GLIS3: variants seen among roughly 807,000 people sequenced by gnomAD.
The protein encoded by GLIS3 is GLIS family zinc finger 3.
Under a neutral mutation model 78.6 loss-of-function variants are expected in GLIS3, and 53 were observed. The ratio of observed to expected loss-of-function variants is 0.67; its 90% CI spans 0.54 to 0.85. The LOEUF is 0.85. GLIS3 is among the 40% of genes least tolerant of loss of function. The probability of loss-of-function intolerance (pLI) is 0.00; values close to 1 mark genes in which losing one functional copy is unlikely to be tolerated. For missense variants in GLIS3, 1,703 were observed against 1,231.1 expected (o/e 1.38, Z -5.74); for synonymous variants, 684 against 509.9 (o/e 1.34, Z -4.60).
chr9:4,292,013 T>C (rs746069370), intron 1 of GLIS3, among the ~76,000 whole-genome samples: 2 of 152,144 alleles, frequency 1.3e-5, no homozygotes, highest in African/African-American at 2.4e-5. Flanking sequence ...TTAGGGGTTT[T>C]CTTGGTCAGT....
chr9:4,276,679 T>C (rs1405700224), intron 2 of GLIS3, among the ~76,000 whole-genome samples: 2 of 152,176 alleles, frequency 1.3e-5, no homozygotes, highest in African/African-American at 4.8e-5. Context: ...CTTTTAAAGA[T>C]GTAATGTTAT....
At chr9:4,075,761 G>C (rs1186176085) in intron 4 of GLIS3, among the ~76,000 whole-genome samples, 1 of 151,990 alleles carries the variant, frequency 6.6e-6, no homozygotes, top group Admixed American at 6.6e-5. Context: ...GTCGTACAAT[G>C]CAACATTAAT....
intron 4 of GLIS3, among the ~76,000 whole-genome samples, chr9:4,094,165 G>T (rs958931642): frequency 6.6e-6 from 1 of 152,216 alleles, no homozygotes; most frequent in Non-Finnish European, 1.5e-5. Context: ...ACATGGAAGA[G>T]AAGAGGAAAG....
At chr9:4,291,781 G>C (rs973909195) in intron 1 of GLIS3, among the ~76,000 whole-genome samples, 2 of 152,054 alleles carry the variant, frequency 1.3e-5, no homozygotes, top group African/African-American at 4.8e-5. Context: ...ACCGCTCGAG[G>C]GCAATATTAA....
chr9:4,373,465 G>A, the GLIS3 span, among the ~76,000 whole-genome samples: 1 of 152,098 alleles, frequency 6.6e-6, no homozygotes, highest in African/African-American at 2.4e-5. Context: ...TCCAGCATTG[G>A]GGAACAAACT....
chr9:3,876,647 AGAGAGAGAGAAAGAG>A, intron 8 of GLIS3, among the ~76,000 whole-genome samples: 1 of 5,074 alleles, frequency 2.0e-4, no homozygotes, highest in South Asian at 7.6e-3. Context: ...AGAGAGAGAG[AGAGAGAGAGAAAGAG>A]AGAGAGAAAG....
chr9:4,038,634 T>C (rs1824533418), intron 4 of GLIS3, among the ~76,000 whole-genome samples: 1 of 152,220 alleles, frequency 6.6e-6, no homozygotes, highest in African/African-American at 2.4e-5. Flanking sequence ...GAATACATTC[T>C]GCAAACCACT....
At chr9:4,242,278 A>C (rs1256049687) in intron 2 of GLIS3, among the ~76,000 whole-genome samples, 1 of 152,102 alleles carries the variant, frequency 6.6e-6, no homozygotes, top group Non-Finnish European at 1.5e-5. Flanking sequence ...TAATTCTAGG[A>C]CATCTCCAGG....
chr9:3,891,066 C>CAAAAAAAAA (rs58449134), intron 7 of GLIS3, among the ~76,000 whole-genome samples: 33 of 126,950 alleles, frequency 2.6e-4, no homozygotes, highest in African/African-American at 9.6e-4. Context: ...CTTCCTTCCT[C>CAAAAAAAAA]AAAAAAAAAA....
intron 2 of GLIS3, among the ~76,000 whole-genome samples, chr9:4,317,439 T>C (rs1312310718): frequency 1.3e-5 from 2 of 152,232 alleles, no homozygotes; most frequent in Non-Finnish European, 2.9e-5. Context: ...TGAGAACCAC[T>C]GCTTTAAAGG....
At position 4,123,806 on chromosome 9, in the gene GLIS3, C is replaced by A. The variant is rs1395948512; in HGVS notation, c.596+1928G>T. On this transcript the variant is annotated intron_variant, in intron 3 of 10. Transcript: ENST00000381971. Reference sequence around the variant, plus strand: ...TGGGGACAGAATTCAGGATGACTGTCATTTAGTGCTTGGTACTTTTCCATG... The same window carrying A: ...TGGGGACAGAATTCAGGATGACTGTAATTTAGTGCTTGGTACTTTTCCATG... 3.5e-5 allele frequency: 14 copies of A among 398,168 alleles called. No individual in the cohort carries two copies. In the East Asian group the frequency reaches 4.3e-4, roughly 12 times the overall value. 24.7% of individuals were successfully genotyped at this position (398,168 alleles called of 1,614,324 possible).
chr9:4,446,092 C>G, the GLIS3 span, among the ~76,000 whole-genome samples: 2 of 152,106 alleles, frequency 1.3e-5, no homozygotes, highest in African/African-American at 4.8e-5. Context: ...AGGGTCAAAA[C>G]CAGCCCATGG....
chr9:4,068,800 G>C (rs1827323657), intron 4 of GLIS3, among the ~76,000 whole-genome samples: 1 of 144,264 alleles, frequency 6.9e-6, no homozygotes, highest in South Asian at 2.4e-4. Flanking sequence ...ACAGGTTTTT[G>C]TTATTTTTTG....
At chr9:3,922,646 G>A (rs1048464972) in intron 6 of GLIS3, among the ~76,000 whole-genome samples, 7 of 152,088 alleles carry the variant, frequency 4.6e-5, no homozygotes, top group East Asian at 1.9e-4. Context: ...AAGTTAACAA[G>A]AGACCTCATC....
At chr9:4,175,676 A>C (rs1816751897) in intron 2 of GLIS3, among the ~76,000 whole-genome samples, 2 of 152,148 alleles carry the variant, frequency 1.3e-5, no homozygotes, top group South Asian at 4.1e-4. Context: ...ATAAGAAATA[A>C]ATTTTCAAAG....
intron 1 of GLIS3, among the ~76,000 whole-genome samples, chr9:4,347,971 C>T (rs2130595743): frequency 6.6e-6 from 1 of 152,304 alleles, no homozygotes; most frequent in Non-Finnish European, 1.5e-5. Context: ...GGAGTACCCT[C>T]ATTAAAAATC....
chr9:4,133,754 T>A (rs746737114), intron 2 of GLIS3, among the ~76,000 whole-genome samples: 1 of 151,878 alleles, frequency 6.6e-6, no homozygotes, highest in Non-Finnish European at 1.5e-5. Flanking sequence ...ACCTTTCTGA[T>A]ATTGTTTCTA....
chr9:3,884,103 C>A (rs1000715736), intron 7 of GLIS3, among the ~76,000 whole-genome samples: 1 of 152,186 alleles, frequency 6.6e-6, no homozygotes, highest in Non-Finnish European at 1.5e-5. Context: ...CCAGAGCATT[C>A]TAGGCTGGCA....
rs573042472 is a variant in GLIS3, at chr9:4,256,951, T to C, written c.388+29087A>G. On this transcript the variant is annotated intron_variant, in intron 2 of 10. Transcript: ENST00000381971. ...CCACGATATTGAAACAACTGAAATG[T>C]CCCTCAACAGATGAATGGACAAAGA... 3.3e-5 allele frequency among the ~76,000 whole-genome samples: 5 copies of C among 152,312 alleles called. 1 individual carries two copies. The highest frequency in any genetic ancestry group is 1.2e-4 in the African/African-American group (5 of 41,576).
Sources: gnomAD v4.1 joint callset for allele counts (sites outside exome capture counted in the v4.1 genomes callset) on GRCh38, gnomAD v4.1.1 for gene constraint, MANE v1.5 for transcripts, NCBI Gene and HGNC (gene_info 2026-07-23, HGNC 2026-07-21) for gene names.